Variants in ABL1 observed in about 807,000 individuals in gnomAD.
ABL1 encodes the protein ABL proto-oncogene 1, non-receptor tyrosine kinase.
A neutral mutation model predicts 94.7 loss-of-function variants in ABL1; 11 were observed. The observed-to-expected ratio is 0.12, with a 90% confidence interval of 0.07 to 0.19. The LOEUF is 0.19. Ranked by LOEUF, ABL1 falls within the 10% of genes least tolerant of loss-of-function variation. The probability of loss-of-function intolerance (pLI) is 1.00; values close to 1 mark genes in which losing one functional copy is unlikely to be tolerated. For missense variants in ABL1, 1,082 were observed against 1,489.4 expected (o/e 0.73, Z 4.50); for synonymous variants, 656 against 622.4 (o/e 1.05, Z -0.80).
chr9:130,846,260 A>G (rs973385976), intron 1 of ABL1, among the ~76,000 whole-genome samples: 5 of 152,204 alleles, frequency 3.3e-5, no homozygotes, highest in African/African-American at 1.2e-4. Flanking sequence ...TATTTTGAAA[A>G]GTTGTTTGAG....
chr9:130,843,487 T>C lies in ABL1; in HGVS notation c.79+7962T>C, dbSNP rs1029099462. Among the ~76,000 whole-genome samples, 12 of 152,274 alleles carry C rather than the reference T, an allele frequency of 7.9e-5. No individual in the cohort carries two copies. The East Asian group carries it at 2.3e-3, about 29-fold the overall frequency. ...CTCAGAAACAAATGTCTTCAAGACA[T>C]GCTGGTGCTGAGGTTTGAACAAGGC... On this transcript the variant is annotated intron_variant, in intron 1 of 10. Transcript: ENST00000318560.
Position 130,872,832 on chromosome 9 carries a change from G to T in ABL1, c.908-28G>T, listed in dbSNP as rs745355778. 4 of 1,596,516 alleles carry T rather than the reference G, an allele frequency of 2.5e-6. No homozygotes were observed. The highest frequency in any genetic ancestry group is 1.7e-6 in the Non-Finnish European group (2 of 1,168,424). On this transcript the variant is annotated intron_variant, in intron 5 of 10. Coordinates refer to ENST00000318560, the MANE Select transcript of ABL1 (RefSeq NM_005157.6). The surrounding 1 kb of genome is among the most constrained non-coding windows in gnomAD (Gnocchi z 5.0). ...TGTTCAGTTGGGAGCGGAGCCACGT[G>T]TTGAAGTCCTCGTTGTCTTGTTGGC...
At chr9:130,860,850 G>A (rs533828945) in intron 3 of ABL1, among the ~76,000 whole-genome samples, 5 of 152,192 alleles carry the variant, frequency 3.3e-5, no homozygotes, top group Admixed American at 6.5e-5. Context: ...CCAGAGGGTC[G>A]GGGATTGGGA....
chr9:130,882,031 T>C (rs1831465583), intron 10 of ABL1, among the ~76,000 whole-genome samples: 1 of 152,130 alleles, frequency 6.6e-6, no homozygotes, highest in Admixed American at 6.6e-5. Flanking sequence ...TTGCAATACT[T>C]CCCGCCCCGC....
intron 1 of ABL1, among the ~76,000 whole-genome samples, chr9:130,783,800 C>G (rs561431141): frequency 6.6e-6 from 1 of 152,152 alleles, no homozygotes; most frequent in African/African-American, 2.4e-5. Flanking sequence ...GGATGACAGG[C>G]GGGCATCACC....
intron 1 of ABL1, among the ~76,000 whole-genome samples, chr9:130,837,845 ATCAG>A (rs1830612382): frequency 6.6e-6 from 1 of 152,172 alleles, no homozygotes; most frequent in Non-Finnish European, 1.5e-5. Context: ...ATCAGTGTCG[ATCAG>A]TCAGTCAGTG....
chr9:130,863,299 G>T lies in ABL1; in HGVS notation c.822+264G>T, dbSNP rs1167452665. On this transcript the variant is annotated intron_variant, in intron 4 of 10. Transcript: ENST00000318560. This position sits in a 1 kb window ranked among gnomAD's most constrained non-coding sequence, Gnocchi z 4.3. ...GTAAAAAGATTAGTCATTTGGAGAG[G>T]TTTTCTCATTTTATGGCAAGGTTCT... is the stretch of plus-strand genomic sequence containing the variant. 6.6e-6 allele frequency among the ~76,000 whole-genome samples: 1 copy of T among 152,042 alleles called. No homozygotes were observed. Among genetic ancestry groups the T allele is most frequent in the African/African-American group, 2.4e-5 (1 of 41,364 alleles).
At chr9:130,729,041 C>A (rs760213503) in intron 1 of ABL1, among the ~76,000 whole-genome samples, 1 of 152,092 alleles carries the variant, frequency 6.6e-6, no homozygotes, top group Non-Finnish European at 1.5e-5. Context: ...AGTGACTGGT[C>A]GTTAAGTTAG....
Position 130,735,961 on chromosome 9 carries a change from ATTT to A in ABL1, c.136+21516_136+21518del, listed in dbSNP as rs141181174. ...TATATATATATATATATATATATAT[ATTT>A]TTTTTTTTTAAGACAGGGTCTGGCT... On this transcript the variant is annotated intron_variant, in intron 1 of 10. Transcript: ENST00000372348. Among the ~76,000 whole-genome samples, 26 of 94,850 alleles carry A rather than the reference ATTT, an allele frequency of 2.7e-4. 2 individuals carry two copies. The highest frequency in any genetic ancestry group is 1.7e-3 in the African/African-American group (26 of 15,690). 62.2% of individuals were successfully genotyped at this position (94,850 alleles called of 152,430 possible).
intron 1 of ABL1, among the ~76,000 whole-genome samples, chr9:130,844,462 T>A (rs1327756412): frequency 6.6e-6 from 1 of 151,850 alleles, no homozygotes; most frequent in Non-Finnish European, 1.5e-5. Flanking sequence ...TGGAGACTTT[T>A]TCACCGTAGA....
At chr9:130,878,050 T>C (rs533212994) in intron 7 of ABL1, among the ~76,000 whole-genome samples, 1 of 152,120 alleles carries the variant, frequency 6.6e-6, no homozygotes, top group East Asian at 1.9e-4. Flanking sequence ...CCTGACCTCG[T>C]GATCCGCCCG....
chr9:130,748,714 T>A (rs1831918819), intron 1 of ABL1, among the ~76,000 whole-genome samples: 1 of 152,190 alleles, frequency 6.6e-6, no homozygotes, highest in African/African-American at 2.4e-5. Context: ...TAGCTGGGAT[T>A]ACAGGCATGC....
chr9:130,740,819 ATTTTTT>A (rs34323373), intron 1 of ABL1, among the ~76,000 whole-genome samples: 17 of 97,808 alleles, frequency 1.7e-4, no homozygotes, highest in African/African-American at 3.3e-4. Context: ...CCACACCCAG[ATTTTTT>A]TTTTTTTTTT....
intron 1 of ABL1, among the ~76,000 whole-genome samples, chr9:130,760,124 G>C (rs1457555441): frequency 6.6e-6 from 1 of 151,868 alleles, no homozygotes; most frequent in African/African-American, 2.4e-5. Flanking sequence ...TAGTTTTAAA[G>C]ATTTAACCTG....
Position 130,887,000 on chromosome 9 carries a change from C to T in ABL1, c.*1317C>T. 1 of 233,016 alleles carries T rather than the reference C, an allele frequency of 4.3e-6. No homozygotes were observed. Among genetic ancestry groups the T allele is most frequent in the Non-Finnish European group, 8.5e-6 (1 of 117,888 alleles). The allele number at this position is 233,016 out of a possible 1,614,324, so 14.4% of individuals were successfully genotyped here. A position where few individuals can be genotyped will look rare whatever the true frequency, so the allele number is the denominator to read the frequency against. On this transcript the variant is annotated 3_prime_UTR_variant, in exon 11 of 11. Transcript: ENST00000318560. ...AGCCTCACGTATTTCACAGAGCACG[C>T]CTGCCATCTTCTCCCCGAGGCTGCC...
intron 1 of ABL1, among the ~76,000 whole-genome samples, chr9:130,827,664 G>T (rs139465948): frequency 1.9e-3 from 286 of 152,252 alleles, no homozygotes; most frequent in African/African-American, 6.7e-3. Flanking sequence ...GGAGGCTGAG[G>T]TGGACAGTTC....
At chr9:130,714,479 C>T in intron 1 of ABL1, 4 of 1,614,162 alleles carry the variant, frequency 2.5e-6, no homozygotes, top group Non-Finnish European at 3.4e-6. Flanking sequence ...AAAATTTCTG[C>T]TCATGGTTTT....
rs533957363 is a variant in ABL1, at chr9:130,873,157, A to G, written c.1085+120A>G. On this transcript the variant is annotated intron_variant, in intron 6 of 10. Coordinates refer to ENST00000318560, the MANE Select transcript of ABL1 (RefSeq NM_005157.6). ...CGCAGCTTCTAACCTCAGTGCTGGC[A>G]ACACATTGGACCTTGGAACAAAGGC... is the stretch of plus-strand genomic sequence containing the variant. The G allele has an allele frequency of 4.1e-4, 434 of 1,047,320 alleles. 2 individuals carry two copies. The Middle Eastern group carries it at 9.6e-3, about 23-fold the overall frequency. The allele number at this position is 1,047,320 out of a possible 1,614,324, so 64.9% of individuals were successfully genotyped here. A position where few individuals can be genotyped will look rare whatever the true frequency, so the allele number is the denominator to read the frequency against.
chr9:130,878,670 T>C (rs1831394378), intron 8 of ABL1, 103 bp downstream of exon 8: 1 of 1,393,940 alleles, frequency 7.2e-7, no homozygotes, highest in Non-Finnish European at 9.8e-7. Context: ...CCATGAGCTC[T>C]CTCCATTCCA....
Sources: gnomAD v4.1 joint callset for allele counts (sites outside exome capture counted in the v4.1 genomes callset) on GRCh38, gnomAD v4.1.1 for gene constraint, Gnocchi (gnomAD v3.1) non-coding constraint, MANE v1.5 for transcripts, NCBI Gene and HGNC (gene_info 2026-07-23, HGNC 2026-07-21) for gene names.